Variants in TXNDC9 observed in about 807,000 individuals in gnomAD.
TXNDC9 encodes thioredoxin domain-containing protein 9.
In TXNDC9, 7 loss-of-function variants were observed where a neutral mutation model predicts 23.0. The ratio of observed to expected loss-of-function variants is 0.30; its 90% confidence interval spans 0.17 to 0.57. The LOEUF is 0.57. Ranked by LOEUF, TXNDC9 falls within the 20% of genes least tolerant of loss-of-function variation. The probability of loss-of-function intolerance (pLI) is 0.90; values close to 1 mark genes in which losing one functional copy is unlikely to be tolerated. For synonymous variants in TXNDC9, 72 were observed against 90.6 expected (o/e 0.79, Z 1.17); for missense variants, 198 against 252.6 (o/e 0.78, Z 1.47).
downstream of TXNDC9, among the ~76,000 whole-genome samples, chr2:99,314,440 A>G (rs559628242): frequency 1.3e-5 from 2 of 151,078 alleles, no homozygotes; most frequent in South Asian, 2.1e-4. Context: ...TTTATATAGC[A>G]TTTACAATGT....
chr2:99,324,858 G>A (rs768214065), intron 3 of TXNDC9, among the ~76,000 whole-genome samples: 10 of 152,226 alleles, frequency 6.6e-5, no homozygotes, highest in Non-Finnish European at 1.3e-4. Context: ...CAATTCCCCT[G>A]CCTCAGCCTC....
At chr2:99,313,861 C>T in the TXNDC9 span, among the ~76,000 whole-genome samples, 1 of 152,156 alleles carries the variant, frequency 6.6e-6, no homozygotes, top group East Asian at 1.9e-4. Flanking sequence ...TTTCTTTTGA[C>T]CTATTTCATT....
intron 2 of TXNDC9, among the ~76,000 whole-genome samples, chr2:99,331,114 C>T (rs1186099916): frequency 6.6e-6 from 1 of 152,174 alleles, no homozygotes; most frequent in Non-Finnish European, 1.5e-5. Flanking sequence ...TTCAGTCTCT[C>T]TACAAAAATA....
chr2:99,318,587 C>A (rs182903977), downstream of TXNDC9, among the ~76,000 whole-genome samples: 1 of 152,128 alleles, frequency 6.6e-6, no homozygotes, highest in African/African-American at 2.4e-5. Context: ...TCACAGTCTA[C>A]AAGGGGGAAA....
intron 3 of TXNDC9, among the ~76,000 whole-genome samples, chr2:99,324,133 ACCACAC>A: frequency 6.6e-6 from 1 of 152,298 alleles, no homozygotes; most frequent in South Asian, 2.1e-4. Context: ...GGTGTGAGCT[ACCACAC>A]CCAGCCTGCC....
chr2:99,309,269 A>C, the TXNDC9 span, among the ~76,000 whole-genome samples: 1 of 151,994 alleles, frequency 6.6e-6, no homozygotes, highest in African/African-American at 2.4e-5. Context: ...GCTACTCAGG[A>C]AGCTGAGGCA....
the TXNDC9 span, among the ~76,000 whole-genome samples, chr2:99,309,307 G>A: frequency 1.3e-5 from 2 of 151,860 alleles, no homozygotes; most frequent in Non-Finnish European, 2.9e-5. Context: ...CAGGCAGGTC[G>A]AGGGTGGAGT....
At chr2:99,318,549 C>CA (rs1346344078), downstream of TXNDC9, among the ~76,000 whole-genome samples, 1 of 152,116 alleles carries the variant, frequency 6.6e-6, no homozygotes, top group Admixed American at 6.6e-5. Flanking sequence ...CGGGTGGGGA[C>CA]AGTGGCCTGC....
intron 4 of TXNDC9, chr2:99,321,709 A>C (rs945581489): frequency 2.4e-6 from 1 of 418,784 alleles, no homozygotes; most frequent in African/African-American, 2.0e-5. Flanking sequence ...GAAAACTTTT[A>C]TAGTCAGGAG....
At chr2:99,329,692 A>G (rs2094220372) in intron 2 of TXNDC9, among the ~76,000 whole-genome samples, 1 of 152,144 alleles carries the variant, frequency 6.6e-6, no homozygotes, top group South Asian at 2.1e-4. Context: ...GTTAGGCTGG[A>G]CGCAGTGGCT....
At chr2:99,328,377 T>TA (rs772406790) in intron 2 of TXNDC9, among the ~76,000 whole-genome samples, 2 of 151,870 alleles carry the variant, frequency 1.3e-5, no homozygotes, top group Non-Finnish European at 2.9e-5. Flanking sequence ...GCTGGGGTTA[T>TA]AGGCATGAGC....
chr2:99,318,965 A>C (rs1295079821), downstream of TXNDC9: 1 of 152,238 alleles, frequency 6.6e-6, no homozygotes, highest in Non-Finnish European at 1.5e-5. Flanking sequence ...TAAAAGATTG[A>C]CTTTCTTGAA....
intron 3 of TXNDC9, chr2:99,322,786 G>A: frequency 7.9e-7 from 1 of 1,266,714 alleles, no homozygotes; most frequent in Non-Finnish European, 1.0e-6. Flanking sequence ...TTTGGAGGTG[G>A]CGTATTGCCC....
At chr2:99,335,408 CATGT>C (rs2094236278) in intron 1 of TXNDC9, among the ~76,000 whole-genome samples, 1 of 152,200 alleles carries the variant, frequency 6.6e-6, no homozygotes, top group African/African-American at 2.4e-5. Flanking sequence ...ACTCAATAAA[CATGT>C]ATTTAACGTT....
chr2:99,313,149 C>T, the TXNDC9 span, among the ~76,000 whole-genome samples: 8 of 151,886 alleles, frequency 5.3e-5, no homozygotes, highest in African/African-American at 1.2e-4. Context: ...ACAACAAGAG[C>T]GAAACTCTGT....
chr2:99,329,958 C>T (rs1559236380), intron 2 of TXNDC9, among the ~76,000 whole-genome samples: 1 of 143,680 alleles, frequency 7.0e-6, no homozygotes, highest in Admixed American at 7.0e-5. Context: ...CAGAGCAAGA[C>T]CCTGTCTCAA....
At chr2:99,325,034 G>A (rs905144461) in intron 3 of TXNDC9, among the ~76,000 whole-genome samples, 2 of 152,240 alleles carry the variant, frequency 1.3e-5, no homozygotes, top group Non-Finnish European at 2.9e-5. Context: ...ATGAGCCATG[G>A]CGCCCAACCC....
chr2:99,333,310 T>C, intron 1 of TXNDC9, 68 bp from the exon 2 acceptor site: 6 of 1,379,946 alleles, frequency 4.3e-6, no homozygotes, highest in Non-Finnish European at 5.8e-6. Context: ...CTCTACCATT[T>C]TCAAAAATTC....
chr2:99,319,580 T>C lies in TXNDC9; in HGVS notation c.*102A>G. 1.2e-6 allele frequency: 1 copy of C among 818,426 alleles called. No homozygotes were observed. Among genetic ancestry groups the C allele is most frequent in the Non-Finnish European group, 2.0e-6 (1 of 502,080 alleles). 50.7% of individuals were successfully genotyped at this position (818,426 alleles called of 1,614,324 possible). ...TACAACTGTATAAAACTCGAGAATA[T>C]GAGTATTTAGGTGACCAATGTATAG... On this transcript the variant is annotated 3_prime_UTR_variant, in exon 5 of 5. Transcript: ENST00000264255.
Sources: allele counts gnomAD v4.1 joint callset (sites outside exome capture counted in the v4.1 genomes callset), GRCh38; gene constraint gnomAD v4.1.1; transcripts MANE v1.5; gene names NCBI Gene and HGNC (gene_info 2026-07-23, HGNC 2026-07-21).